The following NRXN1 variants were observed in gnomAD, a reference collection of about 807,000 sequenced individuals.
NRXN1 encodes neurexin-1.
In NRXN1, 39 loss-of-function variants were observed where a neutral mutation model predicts 150.9. The observed-to-expected ratio is 0.26, with a 90% confidence interval of 0.20 to 0.34. The LOEUF (loss-of-function observed/expected upper bound fraction) is 0.34. Among genes scored for constraint, NRXN1 ranks in the 10% least tolerant of loss-of-function variants. The probability of loss-of-function intolerance (pLI) is 1.00; values close to 1 mark genes in which losing one functional copy is unlikely to be tolerated. For synonymous variants in NRXN1, 924 were observed against 757.0 expected (o/e 1.22, Z -3.62); for missense variants, 1,815 against 1,949.9 (o/e 0.93, Z 1.30).
intron 18 of NRXN1, among the ~76,000 whole-genome samples, chr2:50,099,725 G>T (rs1334370491): frequency 1.3e-5 from 2 of 152,100 alleles, no homozygotes; most frequent in South Asian, 4.1e-4. Flanking sequence ...CATTTTTAAT[G>T]ATTACAACTT....
intron 17 of NRXN1, among the ~76,000 whole-genome samples, chr2:50,448,149 A>G (rs1429421951): frequency 6.6e-6 from 1 of 152,128 alleles, no homozygotes; most frequent in Non-Finnish European, 1.5e-5. Context: ...GTTCACTTTT[A>G]TAGATTAGCA....
intron 5 of NRXN1, among the ~76,000 whole-genome samples, chr2:50,899,993 C>G (rs942219527): frequency 3.3e-5 from 5 of 151,966 alleles, no homozygotes; most frequent in Non-Finnish European, 7.4e-5. Flanking sequence ...ACTGAAGAGA[C>G]AAGACATGAA....
intron 17 of NRXN1, among the ~76,000 whole-genome samples, chr2:50,256,922 T>A (rs2067756035): frequency 6.6e-6 from 1 of 152,082 alleles, no homozygotes; most frequent in African/African-American, 2.4e-5. Flanking sequence ...AATCCTATCC[T>A]AGGACGACTG....
chr2:50,682,383 C>T (rs1480925954), intron 5 of NRXN1, among the ~76,000 whole-genome samples: 1 of 152,030 alleles, frequency 6.6e-6, no homozygotes, highest in East Asian at 1.9e-4. Context: ...TGTCTTCTTA[C>T]TTTTTTAAAA....
chr2:50,058,654 C>A (rs938345900), intron 19 of NRXN1, among the ~76,000 whole-genome samples: 1 of 152,212 alleles, frequency 6.6e-6, no homozygotes, highest in Non-Finnish European at 1.5e-5. Context: ...ACCCAAATCT[C>A]ATCTTGGATT....
chr2:50,067,699 T>C (rs1417442031), intron 19 of NRXN1, among the ~76,000 whole-genome samples: 4 of 152,184 alleles, frequency 2.6e-5, no homozygotes, highest in East Asian at 1.9e-4. Flanking sequence ...GAGCCATTGA[T>C]AGACATCACT....
At chr2:50,895,490 G>C (rs1161896437) in intron 5 of NRXN1, among the ~76,000 whole-genome samples, 1 of 152,086 alleles carries the variant, frequency 6.6e-6, no homozygotes, top group Non-Finnish European at 1.5e-5. Flanking sequence ...ACTATATTCA[G>C]GGGTCAGGCA....
intron 17 of NRXN1, among the ~76,000 whole-genome samples, chr2:50,343,575 C>T (rs746396412): frequency 5.3e-5 from 8 of 152,104 alleles, no homozygotes; most frequent in Non-Finnish European, 8.8e-5. Flanking sequence ...TCTCACAGGC[C>T]CTTAAAAAAA....
chr2:50,973,311 G>A (rs762617409), intron 2 of NRXN1, among the ~76,000 whole-genome samples: 68 of 152,254 alleles, frequency 4.5e-4, no homozygotes, highest in Non-Finnish European at 6.3e-4. Flanking sequence ...AATGCTCAGA[G>A]AGGTGCAGAG....
chr2:50,432,869 C>CT (rs893452638), intron 17 of NRXN1, among the ~76,000 whole-genome samples: 1 of 152,094 alleles, frequency 6.6e-6, no homozygotes, highest in Admixed American at 6.6e-5. Context: ...TCTCATTTTC[C>CT]TTTTTGCCAG....
intron 2 of NRXN1, among the ~76,000 whole-genome samples, chr2:50,948,417 A>C (rs1191255663): frequency 3.9e-5 from 6 of 152,088 alleles, no homozygotes; most frequent in Admixed American, 3.9e-4. Context: ...ATAACAAAAG[A>C]AGCAATAAAA....
At chr2:50,465,080 G>A (rs1475981118) in intron 17 of NRXN1, among the ~76,000 whole-genome samples, 3 of 151,680 alleles carry the variant, frequency 2.0e-5, no homozygotes, top group South Asian at 2.1e-4. Flanking sequence ...TACAGCCCTC[G>A]AGACATAATC....
intron 21 of NRXN1, among the ~76,000 whole-genome samples, chr2:50,051,055 C>A (rs1378737375): frequency 6.6e-6 from 1 of 151,862 alleles, no homozygotes; most frequent in Non-Finnish European, 1.5e-5. Flanking sequence ...TTAATTAGAT[C>A]ATTTACATCT....
chr2:50,335,315 A>T (rs28377408), intron 17 of NRXN1, among the ~76,000 whole-genome samples: 41,589 of 152,040 alleles, frequency 0.27, 6,302 homozygotes, highest in East Asian at 0.4. Flanking sequence ...CATTTGGCTA[A>T]GGTATACGCA....
At chr2:50,935,341 TAATTCTAGAA>T (rs1688372901) in intron 2 of NRXN1, among the ~76,000 whole-genome samples, 1 of 152,138 alleles carries the variant, frequency 6.6e-6, no homozygotes, top group South Asian at 2.1e-4. Flanking sequence ...CACCTCTAGT[TAATTCTAGAA>T]AAGTCCAAGA....
chr2:50,913,188 A>AGAT (rs1472342102), intron 5 of NRXN1, among the ~76,000 whole-genome samples: 2 of 151,758 alleles, frequency 1.3e-5, no homozygotes, highest in Non-Finnish European at 2.9e-5. Flanking sequence ...AGCATCAAAC[A>AGAT]TTATCTGTTC....
intron 5 of NRXN1, among the ~76,000 whole-genome samples, chr2:50,661,073 G>T (rs181337131): frequency 1.1e-5 from 1 of 87,586 alleles, no homozygotes; most frequent in African/African-American, 5.2e-5. Context: ...AGTGGTTAGT[G>T]TTCATTCTTG....
At chr2:49,975,750 C>T (rs1391434099) in intron 21 of NRXN1, among the ~76,000 whole-genome samples, 1 of 152,082 alleles carries the variant, frequency 6.6e-6, no homozygotes, top group Admixed American at 6.6e-5. Context: ...AACACTAAAC[C>T]TATTCATTAG....
intron 13 of NRXN1, among the ~76,000 whole-genome samples, chr2:50,502,505 G>C (rs1034629108): frequency 6.6e-6 from 1 of 151,872 alleles, no homozygotes; most frequent in African/African-American, 2.4e-5. Flanking sequence ...CACGAGTCAT[G>C]GTTAACCCCT....
Sources: allele counts gnomAD v4.1 joint callset (sites outside exome capture counted in the v4.1 genomes callset), GRCh38; gene constraint gnomAD v4.1.1; transcripts MANE v1.5; gene names NCBI Gene and HGNC (gene_info 2026-07-23, HGNC 2026-07-21).